RAB10: variants seen among roughly 807,000 people sequenced by gnomAD.
RAB10 encodes RAB10, member RAS oncogene family, also known as ras-related protein Rab-10.
RAB10 carries 5 observed loss-of-function variants against 25.7 expected under a neutral mutation model. The ratio of observed to expected loss-of-function variants is 0.19; its 90% CI spans 0.10 to 0.41. The LOEUF is 0.41. Among genes scored for constraint, RAB10 ranks in the 10% least tolerant of loss-of-function variants. RAB10 has a pLI of 1.00. For missense variants in RAB10, 103 were observed against 245.8 expected, an observed-to-expected ratio of 0.42 and a Z score of 3.89; for synonymous variants, 89 against 86.4, an observed-to-expected ratio of 1.03 and a Z score of -0.16.
intron 3 of RAB10, among the ~76,000 whole-genome samples, chr2:26,110,862 C>T (rs1442750286): frequency 6.1e-5 from 4 of 65,678 alleles, no homozygotes; most frequent in Middle Eastern, 5.9e-3. Context: ...TGCACCACCA[C>T]ACCCGGCTAA....
At chr2:26,038,319 C>A (rs1037110239) in intron 1 of RAB10, among the ~76,000 whole-genome samples, 1 of 151,776 alleles carries the variant, frequency 6.6e-6, no homozygotes, top group Non-Finnish European at 1.5e-5. Flanking sequence ...GCCTCAGCCT[C>A]CTGAGTAGCT....
At chr2:26,074,043 A>G (rs1411770084) in intron 1 of RAB10, among the ~76,000 whole-genome samples, 1 of 152,210 alleles carries the variant, frequency 6.6e-6, no homozygotes, top group African/African-American at 2.4e-5. Flanking sequence ...GACTTTGTCT[A>G]GTAGAAACGT....
At chr2:26,044,425 A>G (rs1310861255) in intron 1 of RAB10, among the ~76,000 whole-genome samples, 1 of 152,212 alleles carries the variant, frequency 6.6e-6, no homozygotes, top group Non-Finnish European at 1.5e-5. Flanking sequence ...ACCTTCTTGG[A>G]ATGTTAGAAT....
At chr2:26,073,820 A>G (rs2149271256) in intron 1 of RAB10, among the ~76,000 whole-genome samples, 1 of 152,320 alleles carries the variant, frequency 6.6e-6, no homozygotes, top group East Asian at 1.9e-4. Context: ...TTATGAAGAA[A>G]ACTAAAAATG....
intron 1 of RAB10, among the ~76,000 whole-genome samples, chr2:26,070,781 G>A (rs1018165044): frequency 2.0e-5 from 3 of 152,204 alleles, no homozygotes; most frequent in Non-Finnish European, 4.4e-5. Context: ...CATAATAGAA[G>A]CATCCCATTG....
chr2:26,056,795 T>C (rs1223761903), intron 1 of RAB10, among the ~76,000 whole-genome samples: 1 of 150,842 alleles, frequency 6.6e-6, no homozygotes, highest in African/African-American at 2.5e-5. Flanking sequence ...CCCAGCTAGA[T>C]TTTTTTGTTT....
intron 2 of RAB10, among the ~76,000 whole-genome samples, chr2:26,108,228 C>G (rs1414467336): frequency 6.6e-6 from 1 of 152,064 alleles, no homozygotes; most frequent in Non-Finnish European, 1.5e-5. Flanking sequence ...TTTGTTATAG[C>G]CAAAAACTGG....
At chr2:26,078,054 T>G (rs1273259356) in intron 1 of RAB10, among the ~76,000 whole-genome samples, 2 of 151,978 alleles carry the variant, frequency 1.3e-5, no homozygotes, top group Non-Finnish European at 2.9e-5. Flanking sequence ...CAGTGAATCA[T>G]CCAAAAATTA....
Position 26,101,116 on chromosome 2 carries a change from G to A in RAB10, c.188+2394G>A, listed in dbSNP as rs745985034. 1.2e-3 allele frequency among the ~76,000 whole-genome samples: 176 copies of A among 152,150 alleles called. 3 individuals carry two copies. Among genetic ancestry groups the A allele is most frequent in the Admixed American group, 3.9e-4 (6 of 15,276 alleles). On this transcript the variant is annotated intron_variant, in intron 2 of 5. Coordinates refer to ENST00000264710, the MANE Select transcript of RAB10 (RefSeq NM_016131.5). ...AACCAAAGTCATTTAGTCAATAAAT[G>A]TTTGTTGAGTATGTATTTGCCAGGT...
intron 1 of RAB10, among the ~76,000 whole-genome samples, chr2:26,057,824 A>G (rs1184366124): frequency 2.0e-5 from 3 of 152,100 alleles, no homozygotes; most frequent in Non-Finnish European, 4.4e-5. Flanking sequence ...GGGTTTCACC[A>G]TGTTGGCCAG....
intron 1 of RAB10, among the ~76,000 whole-genome samples, chr2:26,068,918 G>A (rs1411221228): frequency 6.6e-6 from 1 of 152,282 alleles, no homozygotes; most frequent in Non-Finnish European, 1.5e-5. Context: ...TTATCTCTTC[G>A]TGGGGGAGAG....
intron 1 of RAB10, among the ~76,000 whole-genome samples, chr2:26,051,893 C>T (rs555819609): frequency 1.3e-5 from 2 of 151,106 alleles, no homozygotes; most frequent in East Asian, 3.9e-4. Context: ...CCCGTCTCTA[C>T]TAAAAATACA....
At chr2:26,053,110 C>T (rs1316097833) in intron 1 of RAB10, among the ~76,000 whole-genome samples, 1 of 152,170 alleles carries the variant, frequency 6.6e-6, no homozygotes, top group Non-Finnish European at 1.5e-5. Context: ...AAAGATCTCT[C>T]TGCTGTCTCA....
intron 5 of RAB10, among the ~76,000 whole-genome samples, chr2:26,134,171 A>G (rs1176774897): frequency 3.3e-5 from 5 of 151,738 alleles, no homozygotes; most frequent in East Asian, 1.9e-4. Flanking sequence ...GCTGGAGTGC[A>G]GTGGAGTGAT....
rs58252306 is a variant in RAB10, at chr2:26,114,737, C to CAAAAAAAAAAAAAAAAAAAAAAA, written c.327+4849_327+4850insAAAAAAAAAAAAAAAAAAAAAAA. Among the ~76,000 whole-genome samples the CAAAAAAAAAAAAAAAAAAAAAAA allele has an allele frequency of 1.4e-3, 93 of 66,032 alleles. 3 individuals carry two copies. The highest frequency in any genetic ancestry group is 4.7e-3 in the African/African-American group (86 of 18,336). 43.3% of individuals were successfully genotyped at this position (66,032 alleles called of 152,430 possible). ...GAAACCCCATCTCTACAAAAATATA[C>CAAAAAAAAAAAAAAAAAAAAAAA]AAAAAAAAAAAAAAAAAATTAGTCG... is the stretch of plus-strand genomic sequence containing the variant. On this transcript the variant is annotated intron_variant, in intron 3 of 5. Coordinates refer to ENST00000264710, the MANE Select transcript of RAB10 (RefSeq NM_016131.5).
intron 2 of RAB10, among the ~76,000 whole-genome samples, chr2:26,104,056 C>A (rs887107216): frequency 1.3e-5 from 2 of 152,070 alleles, no homozygotes; most frequent in Non-Finnish European, 2.9e-5. Context: ...TTCACGTCTA[C>A]GTTTTTGTGT....
At chr2:26,035,430 A>G (rs1332104731) in intron 1 of RAB10, among the ~76,000 whole-genome samples, 1 of 152,184 alleles carries the variant, frequency 6.6e-6, no homozygotes, top group African/African-American at 2.4e-5. Context: ...TGACTCTAGT[A>G]TTTACAGGAA....
At chr2:26,123,543 A>G (rs568103811) in intron 3 of RAB10, among the ~76,000 whole-genome samples, 1 of 152,356 alleles carries the variant, frequency 6.6e-6, no homozygotes, top group African/African-American at 2.4e-5. Flanking sequence ...CAGTCAAGGA[A>G]TTTATGAAAG....
At chr2:26,054,939 T>G (rs1431852569) in intron 1 of RAB10, among the ~76,000 whole-genome samples, 2 of 151,656 alleles carry the variant, frequency 1.3e-5, no homozygotes, top group African/African-American at 4.8e-5. Context: ...TGAGATCACG[T>G]CACTGCACTG....
Sources: allele counts gnomAD v4.1 joint callset (sites outside exome capture counted in the v4.1 genomes callset), GRCh38; gene constraint gnomAD v4.1.1; transcripts MANE v1.5; gene names NCBI Gene and HGNC (gene_info 2026-07-23, HGNC 2026-07-21).